The following ACOT7 variants were observed in gnomAD, a reference collection of about 807,000 sequenced individuals.
ACOT7 encodes acyl-CoA thioesterase 7.
Under a neutral mutation model 40.2 loss-of-function variants are expected in ACOT7, and 12 were observed. That is an observed-to-expected ratio of 0.30 (90% CI 0.19 to 0.48). The LOEUF is 0.48. Ranked by LOEUF, ACOT7 falls within the 20% of genes least tolerant of loss-of-function variation. The probability of loss-of-function intolerance (pLI) is 0.99; values close to 1 mark genes in which losing one functional copy is unlikely to be tolerated. For synonymous variants in ACOT7, 228 were observed against 219.5 expected, an observed-to-expected ratio of 1.04 and a Z score of -0.34; for missense variants, 395 against 530.8, an observed-to-expected ratio of 0.74 and a Z score of 2.51.
intron 8 of ACOT7, among the ~76,000 whole-genome samples, chr1:6,272,851 C>T (rs1376720062): frequency 6.6e-6 from 1 of 152,244 alleles, no homozygotes; most frequent in Non-Finnish European, 1.5e-5. Context: ...AGCCGGGATG[C>T]TCCCTCGGTT....
chr1:6,386,038 ACCACTCAGGCT>A (rs2148483228), intron 1 of ACOT7, among the ~76,000 whole-genome samples: 1 of 152,268 alleles, frequency 6.6e-6, no homozygotes. Flanking sequence ...TAAACCTCGC[ACCACTCAGGCT>A]GGCCCTCAGG....
intron 1 of ACOT7, among the ~76,000 whole-genome samples, chr1:6,387,835 CCA>C (rs2148484156): frequency 6.6e-6 from 1 of 152,346 alleles, no homozygotes; most frequent in South Asian, 2.1e-4. Context: ...CACCCAGGGT[CCA>C]CACATCCCAG....
intron 1 of ACOT7, among the ~76,000 whole-genome samples, chr1:6,379,882 G>A (rs1040863182): frequency 6.6e-6 from 1 of 151,432 alleles, no homozygotes; most frequent in African/African-American, 2.4e-5. Context: ...CCAACGTGTT[G>A]AAACTCTGTC....
chr1:6,357,324 C>G (rs1038148660), intron 1 of ACOT7, among the ~76,000 whole-genome samples: 1 of 152,206 alleles, frequency 6.6e-6, no homozygotes, highest in African/African-American at 2.4e-5. Flanking sequence ...GCTTCCTTTA[C>G]TCCATGGTGG....
rs1319169784 is a variant in ACOT7 at position 6,278,608 on chromosome 1, C to A, written c.1014+2494G>T. On this transcript the variant is annotated intron_variant, in intron 8 of 8. Coordinates refer to ENST00000361521, the MANE Select transcript of ACOT7 (RefSeq NM_007274.4). This position sits in a 1 kb window ranked among gnomAD's most constrained non-coding sequence, Gnocchi z 4.1. ...ACTGTATTTGTGATGCTTTTGGGAA[C>A]CCTGTTGAGGGGCAGCACTGGCCAA... Among the ~76,000 whole-genome samples, 2 of 152,264 alleles carry A rather than the reference C, an allele frequency of 1.3e-5. No individual in the cohort carries two copies. Among genetic ancestry groups the A allele is most frequent in the Middle Eastern group, 3.4e-3 (1 of 294 alleles).
Position 6,306,313 on chromosome 1 carries a change from G to T in ACOT7, c.713-11333C>A. On this transcript the variant is annotated intron_variant, in intron 6 of 8. Transcript: ENST00000361521. This position sits in a 1 kb window ranked among gnomAD's most constrained non-coding sequence, Gnocchi z 4.3. ...GAAAGGGGTCAGTGCCCCATGATTT[G>T]AGAGGGATGACGTGCTGGCCACCAG... is the stretch of plus-strand genomic sequence containing the variant. 1 of 985,356 alleles carries T rather than the reference G, an allele frequency of 1.0e-6. No individual in the cohort carries two copies. The highest frequency in any genetic ancestry group is 1.2e-6 in the Non-Finnish European group (1 of 829,918). 61.0% of individuals were successfully genotyped at this position (985,356 alleles called of 1,614,324 possible). A position where few individuals can be genotyped will look rare whatever the true frequency, so the allele number is the denominator to read the frequency against.
chr1:6,390,904 C>G (rs1642522165), intron 1 of ACOT7, among the ~76,000 whole-genome samples: 1 of 152,090 alleles, frequency 6.6e-6, no homozygotes, highest in African/African-American at 2.4e-5. Flanking sequence ...CCATTGCATT[C>G]CAGTCTGGGT....
In ACOT7 at chr1:6,282,908, A is replaced by T. The variant is rs534616630; in HGVS notation, c.830-1622T>A. The T allele has an allele frequency of 5.1e-5, 33 of 645,364 alleles. No individual in the cohort carries two copies. The African/African-American group carries it at 5.6e-4, about 11-fold the overall frequency. The allele number at this position is 645,364 out of a possible 1,614,324, so 40.0% of individuals were successfully genotyped here. A position where few individuals can be genotyped will look rare whatever the true frequency, so the allele number is the denominator to read the frequency against. On this transcript the variant is annotated intron_variant, in intron 7 of 8. Transcript: ENST00000361521. This position sits in a 1 kb window ranked among gnomAD's most constrained non-coding sequence, Gnocchi z 4.5. ...AAGGAGCTAGAAGTTTCAACAGGTC[A>T]GACCTGAGGGTCTCCCAGCATCTCT...
chr1:6,281,010 A>G, intron 8 of ACOT7, 92 bp downstream of exon 8: 6 of 1,496,780 alleles, frequency 4.0e-6, no homozygotes, highest in Non-Finnish European at 5.4e-6. Context: ...GACAGGACTC[A>G]TGCAGGCACA....
chr1:6,296,665 C>T (rs111778207), intron 6 of ACOT7, among the ~76,000 whole-genome samples: 12 of 152,204 alleles, frequency 7.9e-5, no homozygotes, highest in African/African-American at 1.7e-4. Context: ...CCTCATGATC[C>T]GCCCACTTCA....
At chr1:6,381,978 CAA>C in intron 1 of ACOT7, among the ~76,000 whole-genome samples, 1 of 146,928 alleles carries the variant, frequency 6.8e-6, no homozygotes, top group East Asian at 2.0e-4. Context: ...ACTAAAAATA[CAA>C]AAAAAAAATT....
chr1:6,288,029 C>T lies in ACOT7; in HGVS notation c.830-6743G>A, dbSNP rs1397496014. On this transcript the variant is annotated intron_variant, in intron 7 of 8. Coordinates refer to ENST00000361521, the MANE Select transcript of ACOT7 (RefSeq NM_007274.4). This position sits in a 1 kb window ranked among gnomAD's most constrained non-coding sequence, Gnocchi z 4.3. Reference sequence around the variant, plus strand: ...TATTACACTGAAGGCAACGATATAACTTTTTCACACCAGCTACCTCTGGAC... The same window carrying T: ...TATTACACTGAAGGCAACGATATAATTTTTTCACACCAGCTACCTCTGGAC... 1.3e-5 allele frequency among the ~76,000 whole-genome samples: 2 copies of T among 152,122 alleles called. No homozygotes were observed. Among genetic ancestry groups the T allele is most frequent in the Non-Finnish European group, 2.9e-5 (2 of 68,000 alleles).
At chr1:6,333,340 C>A (rs545048619) in intron 4 of ACOT7, 137 bp downstream of exon 4, 2 of 918,528 alleles carry the variant, frequency 2.2e-6, no homozygotes, top group East Asian at 2.7e-5. Flanking sequence ...TGCCTGCTGG[C>A]GGACCTGGCC....
rs569340589 is a variant in ACOT7, at chr1:6,282,814, C to T, written c.830-1528G>A. On this transcript the variant is annotated intron_variant, in intron 7 of 8. Coordinates refer to ENST00000361521, the MANE Select transcript of ACOT7 (RefSeq NM_007274.4). The surrounding 1 kb of genome is among the most constrained non-coding windows in gnomAD (Gnocchi z 4.5). ...TACGTGAGCTGTAAGGTACAGAGTCCCATGCAAAGCGCCCGCAGTCACAAG... is the reference window on the plus strand; with the variant it reads ...TACGTGAGCTGTAAGGTACAGAGTCTCATGCAAAGCGCCCGCAGTCACAAG... The T allele has an allele frequency of 3.8e-6, 5 of 1,303,996 alleles. No homozygotes were observed. In the African/African-American group the frequency reaches 6.1e-5, roughly 16 times the overall value. The allele number at this position is 1,303,996 out of a possible 1,614,324, so 80.8% of individuals were successfully genotyped here.
At chr1:6,331,474 C>A (rs1307300383) in intron 4 of ACOT7, among the ~76,000 whole-genome samples, 1 of 152,216 alleles carries the variant, frequency 6.6e-6, no homozygotes, top group Non-Finnish European at 1.5e-5. Flanking sequence ...GGGCGCAGGG[C>A]CTTGCCCATA....
intron 1 of ACOT7, 26 bp from the exon 2 acceptor site, chr1:6,349,892 G>A (rs761220171): frequency 6.2e-7 from 1 of 1,606,832 alleles, no homozygotes; most frequent in Non-Finnish European, 8.5e-7. Context: ...AGCAGGATGA[G>A]GCCTCTGGAG....
intron 6 of ACOT7, among the ~76,000 whole-genome samples, chr1:6,314,878 C>T (rs887643183): frequency 4.6e-5 from 7 of 151,838 alleles, no homozygotes; most frequent in Admixed American, 2.0e-4. Flanking sequence ...GGGACGATGA[C>T]GGTCCTCCAC....
chr1:6,266,846 C>T (rs1392432922), intron 8 of ACOT7, among the ~76,000 whole-genome samples: 2 of 152,230 alleles, frequency 1.3e-5, no homozygotes, highest in Non-Finnish European at 2.9e-5. Flanking sequence ...GGCATGGGGT[C>T]CCAGAGCTGG....
At chr1:6,280,261 A>G (rs1639316870) in intron 8 of ACOT7, among the ~76,000 whole-genome samples, 1 of 152,246 alleles carries the variant, frequency 6.6e-6, no homozygotes, top group Non-Finnish European at 1.5e-5. Context: ...CCTCAGTGAC[A>G]GACACAAGAG....
Sources: gnomAD v4.1 joint callset for allele counts (sites outside exome capture counted in the v4.1 genomes callset) on GRCh38, gnomAD v4.1.1 for gene constraint, Gnocchi (gnomAD v3.1) non-coding constraint, MANE v1.5 for transcripts, NCBI Gene and HGNC (gene_info 2026-07-23, HGNC 2026-07-21) for gene names.